The following SEMA3E variants were observed in gnomAD, a reference collection of about 807,000 sequenced individuals.
The protein encoded by SEMA3E is semaphorin 3E.
A neutral mutation model predicts 93.6 loss-of-function variants in SEMA3E; 49 were observed. The ratio of observed to expected loss-of-function variants is 0.52; its 90% CI spans 0.42 to 0.66. The LOEUF is 0.66. Among genes scored for constraint, SEMA3E ranks in the 30% least tolerant of loss-of-function variants. SEMA3E has a pLI of 0.00. For synonymous variants in SEMA3E, 363 were observed against 330.7 expected (o/e 1.10, Z -1.06); for missense variants, 906 against 964.8 (o/e 0.94, Z 0.81).
At chr7:83,395,462 G>A (rs548703658) in intron 12 of SEMA3E, among the ~76,000 whole-genome samples, 1 of 152,238 alleles carries the variant, frequency 6.6e-6, no homozygotes, top group South Asian at 2.1e-4. Flanking sequence ...AAAATTAGTT[G>A]CAACCCCAAT....
intron 4 of SEMA3E, among the ~76,000 whole-genome samples, chr7:83,443,761 C>A (rs1416141993): frequency 6.6e-6 from 1 of 151,710 alleles, no homozygotes; most frequent in South Asian, 2.1e-4. Context: ...TTTGAACATA[C>A]CAGTTTTAAA....
In SEMA3E at chr7:83,466,954, A is replaced by T. The variant is rs77569404; in HGVS notation, c.337-353T>A. On this transcript the variant is annotated intron_variant, in intron 3 of 16. Transcript: ENST00000643230. ...TCCACTAAGTAATTAAGTTATTCCCAATGCTGTTAGTTTTTTAAGTACAGT... is the reference window on the plus strand; with the variant it reads ...TCCACTAAGTAATTAAGTTATTCCCTATGCTGTTAGTTTTTTAAGTACAGT... Among the ~76,000 whole-genome samples the T allele has an allele frequency of 9.1e-4, 139 of 152,278 alleles. 2 individuals are homozygous for T. In the East Asian group the frequency reaches 0.024, roughly 26 times the overall value.
chr7:83,399,917 A>G, intron 11 of SEMA3E, 111 bp downstream of exon 11: 1 of 895,538 alleles, frequency 1.1e-6, no homozygotes, highest in Non-Finnish European at 1.9e-6. Flanking sequence ...GCAGTGTGAA[A>G]TTGTTTAACA....
chr7:83,594,463 G>T (rs1210382884), intron 1 of SEMA3E, among the ~76,000 whole-genome samples: 1 of 152,072 alleles, frequency 6.6e-6, no homozygotes, highest in Non-Finnish European at 1.5e-5. Context: ...ATCAGTGCTG[G>T]AATTTAAAGG....
At chr7:83,577,872 A>G (rs1792440390) in intron 1 of SEMA3E, among the ~76,000 whole-genome samples, 1 of 152,084 alleles carries the variant, frequency 6.6e-6, no homozygotes, top group African/African-American at 2.4e-5. Context: ...ATAATCTCAT[A>G]ACATTTATAT....
chr7:83,630,839 T>C (rs2115671642), intron 1 of SEMA3E, among the ~76,000 whole-genome samples: 1 of 152,306 alleles, frequency 6.6e-6, no homozygotes, highest in East Asian at 1.9e-4. Flanking sequence ...CAAAGAGATT[T>C]GGCAAAAATA....
intron 1 of SEMA3E, among the ~76,000 whole-genome samples, chr7:83,524,065 A>T (rs1729522874): frequency 6.6e-6 from 1 of 152,132 alleles, no homozygotes; most frequent in Admixed American, 6.6e-5. Context: ...CTACTTCATA[A>T]ACAATATAAA....
chr7:83,396,045 G>GTA (rs1788112741), intron 12 of SEMA3E, among the ~76,000 whole-genome samples: 1 of 92,014 alleles, frequency 1.1e-5, no homozygotes, highest in South Asian at 2.8e-4. Flanking sequence ...GACTTGATGT[G>GTA]TGTGTGTGTG....
intron 4 of SEMA3E, among the ~76,000 whole-genome samples, chr7:83,464,879 C>T (rs1181752242): frequency 4.0e-5 from 6 of 150,420 alleles, no homozygotes; most frequent in Non-Finnish European, 5.9e-5. Flanking sequence ...CAAAAATTTT[C>T]GCCGCCCCAA....
intron 1 of SEMA3E, among the ~76,000 whole-genome samples, chr7:83,505,105 T>C (rs1291155111): frequency 2.0e-5 from 3 of 152,204 alleles, no homozygotes; most frequent in African/African-American, 7.2e-5. Flanking sequence ...ATTACAGATA[T>C]TTCCCATATT....
chr7:83,492,566 CTA>C (rs1350331958), intron 1 of SEMA3E, among the ~76,000 whole-genome samples: 1 of 151,934 alleles, frequency 6.6e-6, no homozygotes, highest in Non-Finnish European at 1.5e-5. Flanking sequence ...TTCTTCCTCT[CTA>C]TGGCCAAATC....
intron 1 of SEMA3E, among the ~76,000 whole-genome samples, chr7:83,600,312 T>G (rs575178041): frequency 6.8e-6 from 1 of 146,980 alleles, no homozygotes; most frequent in East Asian, 2.0e-4. Context: ...GACCAAGAAA[T>G]ATTAATTCTT....
chr7:83,503,403 C>T (rs1790636044), intron 1 of SEMA3E, among the ~76,000 whole-genome samples: 1 of 152,064 alleles, frequency 6.6e-6, no homozygotes, highest in Admixed American at 6.6e-5. Flanking sequence ...CTAGTTTACC[C>T]TTGAAATTTG....
At chr7:83,419,996 A>C (rs1788640844) in intron 4 of SEMA3E, among the ~76,000 whole-genome samples, 2 of 152,148 alleles carry the variant, frequency 1.3e-5, no homozygotes, top group Admixed American at 1.3e-4. Flanking sequence ...TAGAAAAAGA[A>C]GTCAAACGAT....
At chr7:83,374,905 T>C (rs1359946644) in intron 16 of SEMA3E, among the ~76,000 whole-genome samples, 3 of 151,990 alleles carry the variant, frequency 2.0e-5, no homozygotes, top group Non-Finnish European at 4.4e-5. Context: ...AATCGTATGA[T>C]TAAGTAAATT....
chr7:83,400,387 A>G (rs889309224), intron 10 of SEMA3E, 137 bp from the exon 11 acceptor site: 3 of 813,688 alleles, frequency 3.7e-6, no homozygotes, highest in Non-Finnish European at 4.0e-6. Context: ...TAGTAATCAT[A>G]TATTTTTCTT....
chr7:83,400,282 T>G, intron 10 of SEMA3E, 32 bp from the exon 11 acceptor site: 1 of 1,593,820 alleles, frequency 6.3e-7, no homozygotes, highest in Non-Finnish European at 8.6e-7. Flanking sequence ...TAATTCTTTT[T>G]GCTTTACACC....
intron 1 of SEMA3E, among the ~76,000 whole-genome samples, chr7:83,558,771 A>G (rs936180401): frequency 3.3e-5 from 5 of 152,198 alleles, no homozygotes; most frequent in African/African-American, 1.2e-4. Flanking sequence ...TCCTACCTTA[A>G]GTGTTATTAG....
At chr7:83,606,523 A>G (rs1209094975) in intron 1 of SEMA3E, among the ~76,000 whole-genome samples, 6 of 147,620 alleles carry the variant, frequency 4.1e-5, no homozygotes, top group African/African-American at 1.5e-4. Flanking sequence ...CAAAAAACCA[A>G]ACACCGCATA....
Sources: gnomAD v4.1 joint callset for allele counts (sites outside exome capture counted in the v4.1 genomes callset) on GRCh38, gnomAD v4.1.1 for gene constraint, MANE v1.5 for transcripts, NCBI Gene and HGNC (gene_info 2026-07-23, HGNC 2026-07-21) for gene names.